The following RNF150 variants were observed in gnomAD, a reference collection of about 807,000 sequenced individuals.
The protein encoded by RNF150 is ring finger protein 150.
RNF150 carries 24 observed loss-of-function variants against 39.3 expected under a neutral mutation model. The ratio of observed to expected loss-of-function variants is 0.61; its 90% confidence interval spans 0.44 to 0.86. The LOEUF (loss-of-function observed/expected upper bound fraction) is 0.86, where lower values mean the gene tolerates loss of function less well. RNF150 is among the 40% of genes least tolerant of loss of function. The pLI, the probability that RNF150 is intolerant of heterozygous loss-of-function variation, is 0.00. For missense variants in RNF150, 502 were observed against 587.8 expected (o/e 0.85, Z 1.51); for synonymous variants, 255 against 227.3 (o/e 1.12, Z -1.10).
intron 2 of RNF150, among the ~76,000 whole-genome samples, chr4:140,962,309 T>A (rs767909111): frequency 1.1e-4 from 17 of 151,958 alleles, no homozygotes; most frequent in Non-Finnish European, 2.1e-4. Context: ...AACTTTAAAA[T>A]TCTGTTCCTC....
At chr4:141,012,030 T>C (rs1395555143) in intron 1 of RNF150, among the ~76,000 whole-genome samples, 1 of 152,280 alleles carries the variant, frequency 6.6e-6, no homozygotes, top group Non-Finnish European at 1.5e-5. Context: ...GTTAACCTCA[T>C]TCTTTTTTGA....
Position 141,145,176 on chromosome 4 carries a change from A to G in RNF150, c.-6+67618T>C, listed in dbSNP as rs75918126. On this transcript the variant is annotated intron_variant, in intron 1 of 7. Transcript: ENST00000420921. ...ACTAGTCAGTGTTTATAATTGGCTAAATAATTTCCTGAACTTAAGTGTGTT... is the reference window on the plus strand; with the variant it reads ...ACTAGTCAGTGTTTATAATTGGCTAGATAATTTCCTGAACTTAAGTGTGTT... Among the ~76,000 whole-genome samples the G allele has an allele frequency of 3.1e-3, 472 of 152,352 alleles. 16 individuals carry two copies. In the East Asian group the frequency reaches 0.069, roughly 22 times the overall value.
intron 1 of RNF150, among the ~76,000 whole-genome samples, chr4:141,034,909 A>G (rs970902426): frequency 3.3e-5 from 5 of 152,202 alleles, no homozygotes; most frequent in African/African-American, 1.2e-4. Flanking sequence ...AGTTTTATGT[A>G]TTTTGAGAAT....
Position 140,920,156 on chromosome 4 carries a change from G to A in RNF150, c.987+5821C>T, listed in dbSNP as rs552942697. ...GGACTTCATGTCTAAAACACCAAAA[G>A]CAATGGCAACAAAAGCCAAAATTGA... is the stretch of plus-strand genomic sequence containing the variant. On this transcript the variant is annotated intron_variant, in intron 5 of 6. Coordinates refer to ENST00000515673, the MANE Select transcript of RNF150 (RefSeq NM_020724.2). Among the ~76,000 whole-genome samples the A allele has an allele frequency of 4.6e-4, 69 of 149,688 alleles. 1 individual carries two copies. The highest frequency in any genetic ancestry group is 3.0e-3 in the Admixed American group (45 of 14,946).
At chr4:140,910,696 G>A (rs373047867) in intron 6 of RNF150, among the ~76,000 whole-genome samples, 3 of 116,934 alleles carry the variant, frequency 2.6e-5, no homozygotes, top group African/African-American at 9.3e-5. Flanking sequence ...ACGCACACTC[G>A]GGGCTCCAGT....
intron 2 of RNF150, among the ~76,000 whole-genome samples, chr4:140,956,780 AC>A (rs1240139288): frequency 3.3e-5 from 5 of 152,210 alleles, no homozygotes; most frequent in African/African-American, 4.8e-5. Flanking sequence ...TCTTTGACAA[AC>A]CTGAGAAAAA....
chr4:141,103,521 C>T (rs531529344), intron 1 of RNF150, among the ~76,000 whole-genome samples: 13 of 152,106 alleles, frequency 8.5e-5, no homozygotes, highest in African/African-American at 1.7e-4. Context: ...TTTTATAGAA[C>T]GGAGAAAAGA....
chr4:141,119,802 G>A (rs1044400734), intron 1 of RNF150, among the ~76,000 whole-genome samples: 9 of 152,166 alleles, frequency 5.9e-5, no homozygotes, highest in African/African-American at 2.2e-4. Context: ...GGCCTAACAG[G>A]AGGTACCTTA....
intron 1 of RNF150, among the ~76,000 whole-genome samples, chr4:141,066,453 C>T (rs11945137): frequency 0.012 from 1,806 of 152,196 alleles, 43 homozygotes; most frequent in African/African-American, 0.042. Context: ...AATGATGATG[C>T]CACCTTATAT....
intron 1 of RNF150, among the ~76,000 whole-genome samples, chr4:141,019,136 C>A (rs1279556325): frequency 6.8e-6 from 1 of 147,930 alleles, no homozygotes; most frequent in Non-Finnish European, 1.5e-5. Flanking sequence ...ATAAAATGAG[C>A]TCAGAATTTC....
intron 6 of RNF150, among the ~76,000 whole-genome samples, chr4:140,893,223 C>CTAAT (rs1193304764): frequency 9.0e-6 from 1 of 111,522 alleles, no homozygotes; most frequent in East Asian, 5.3e-4. Flanking sequence ...GTTTTTTCTC[C>CTAAT]TAACTAGAGC....
At chr4:141,072,491 A>G (rs982403289) in intron 1 of RNF150, among the ~76,000 whole-genome samples, 10 of 152,194 alleles carry the variant, frequency 6.6e-5, no homozygotes, top group African/African-American at 9.7e-5. Context: ...AGGAAGATTC[A>G]CACATGTATT....
intron 1 of RNF150, among the ~76,000 whole-genome samples, chr4:141,091,317 G>A (rs1738572129): frequency 6.6e-6 from 1 of 152,142 alleles, no homozygotes; most frequent in South Asian, 2.1e-4. Context: ...AACAGGAAGT[G>A]AGACAACTCA....
At chr4:140,965,830 T>A (rs555330414) in intron 2 of RNF150, among the ~76,000 whole-genome samples, 2 of 152,076 alleles carry the variant, frequency 1.3e-5, no homozygotes, top group African/African-American at 4.8e-5. Context: ...AGTCTAGAGA[T>A]CTAATGTAAA....
intron 6 of RNF150, among the ~76,000 whole-genome samples, chr4:140,897,829 T>C (rs1039932022): frequency 2.0e-5 from 3 of 152,154 alleles, no homozygotes; most frequent in African/African-American, 7.2e-5. Context: ...GTAGGTATTC[T>C]CTAAATTACC....
chr4:141,027,932 T>G lies in RNF150; in HGVS notation c.485-60059A>C, dbSNP rs397879460. 4.8e-5 allele frequency among the ~76,000 whole-genome samples: 6 copies of G among 126,212 alleles called. 1 individual carries two copies. In the East Asian group the frequency reaches 6.2e-4, roughly 13 times the overall value. The allele number at this position is 126,212 out of a possible 152,430, so 82.8% of individuals were successfully genotyped here. On this transcript the variant is annotated intron_variant, in intron 1 of 6. Coordinates refer to ENST00000515673, the MANE Select transcript of RNF150 (RefSeq NM_020724.2). ...AATTTGTTTTTTTTTTTTTGTTTTT[T>G]TTTTTTTTTTTTTTTTTTTTCAATC...
At chr4:141,102,353 A>C (rs1268387495) in intron 1 of RNF150, among the ~76,000 whole-genome samples, 1 of 152,160 alleles carries the variant, frequency 6.6e-6, no homozygotes, top group Non-Finnish European at 1.5e-5. Flanking sequence ...AAAGGCAATA[A>C]ACTCACATAT....
intron 6 of RNF150, among the ~76,000 whole-genome samples, chr4:140,878,173 T>TTTG (rs1365687482): frequency 6.8e-6 from 1 of 147,546 alleles, no homozygotes; most frequent in African/African-American, 2.6e-5. Flanking sequence ...TGTTTTTTTT[T>TTTG]TTTTTTTTTT....
chr4:140,912,280 T>C (rs762270488), intron 5 of RNF150, among the ~76,000 whole-genome samples: 1 of 152,262 alleles, frequency 6.6e-6, no homozygotes, highest in Non-Finnish European at 1.5e-5. Flanking sequence ...TCAGTTGTTC[T>C]GTCTCTACAC....
Sources: allele counts gnomAD v4.1 joint callset (sites outside exome capture counted in the v4.1 genomes callset), GRCh38; gene constraint gnomAD v4.1.1; transcripts MANE v1.5; gene names NCBI Gene and HGNC (gene_info 2026-07-23, HGNC 2026-07-21).